Variants in CYFIP2 observed in about 807,000 individuals in gnomAD.
The protein encoded by CYFIP2 is cytoplasmic FMR1-interacting protein 2.
In CYFIP2, 29 loss-of-function variants were observed where a neutral mutation model predicts 158.7. That is an observed-to-expected ratio of 0.18 (90% CI 0.14 to 0.25). The LOEUF (loss-of-function observed/expected upper bound fraction) is 0.25, where lower values mean the gene tolerates loss of function less well. Ranked by LOEUF, CYFIP2 falls within the 10% of genes least tolerant of loss-of-function variation. The pLI is 1.00. For synonymous variants in CYFIP2, 585 were observed against 617.6 expected, an observed-to-expected ratio of 0.95 and a Z score of 0.78; for missense variants, 852 against 1,639.5, an observed-to-expected ratio of 0.52 and a Z score of 8.29.
chr5:157,343,650 C>G (rs1337555880), intron 23 of CYFIP2: 2 of 858,876 alleles, frequency 2.3e-6, no homozygotes, highest in Non-Finnish European at 1.8e-6. Flanking sequence ...CTCATGTTGC[C>G]CTCATCTTAC....
intron 3 of CYFIP2, among the ~76,000 whole-genome samples, chr5:157,288,188 A>G (rs765173138): frequency 6.6e-6 from 1 of 152,178 alleles, no homozygotes; most frequent in Non-Finnish European, 1.5e-5. Flanking sequence ...TTCTTACTGT[A>G]TCATATCATG....
chr5:157,339,042 T>C lies in CYFIP2; in HGVS notation c.2386-15T>C, dbSNP rs771072146. The C allele has an allele frequency of 1.2e-6, 2 of 1,602,836 alleles. No homozygotes were observed. Among genetic ancestry groups the C allele is most frequent in the South Asian group, 2.2e-5 (2 of 89,664 alleles). On this transcript the variant is annotated splice_polypyrimidine_tract_variant and intron_variant, in intron 21 of 30. Coordinates refer to ENST00000620254, the MANE Select transcript of CYFIP2 (RefSeq NM_001037333.3). ...AAGCAAGTCCTCAGCAGTTGTGGGC[T>C]CTCTCTCTGTACAGGAGCTGGAGTG... is the stretch of plus-strand genomic sequence containing the variant.
intron 15 of CYFIP2, among the ~76,000 whole-genome samples, chr5:157,321,347 C>G (rs1760578803): frequency 6.6e-6 from 1 of 152,166 alleles, no homozygotes; most frequent in South Asian, 2.1e-4. Flanking sequence ...CAAAATATTC[C>G]TTAGTTCCAC....
intron 11 of CYFIP2, among the ~76,000 whole-genome samples, chr5:157,313,492 G>T (rs1759902957): frequency 6.6e-6 from 1 of 152,116 alleles, no homozygotes; most frequent in Non-Finnish European, 1.5e-5. Flanking sequence ...TAGAAAACAT[G>T]GCACTAAGTA....
chr5:157,319,966 A>G (rs1760456838), intron 14 of CYFIP2, 38 bp downstream of exon 14: 2 of 1,605,454 alleles, frequency 1.2e-6, no homozygotes, highest in Non-Finnish European at 1.7e-6. Flanking sequence ...TATCAGACAT[A>G]AGCATGCCAG....
In CYFIP2 at chr5:157,394,791, C is replaced by G. The variant is rs1245218876; in HGVS notation, c.*1791C>G. ...TCCAAGTAGTAACTGGCAGATCCTC[C>G]TGTCTGGAGGTACCACCTTCTATTC... On this transcript the variant is annotated 3_prime_UTR_variant, in exon 31 of 31. Coordinates refer to ENST00000620254, the MANE Select transcript of CYFIP2 (RefSeq NM_001037333.3). 1.3e-5 allele frequency: 2 copies of G among 152,254 alleles called. No homozygotes were observed. The highest frequency in any genetic ancestry group is 4.8e-5 in the African/African-American group (2 of 41,458). 9.4% of individuals were successfully genotyped at this position (152,254 alleles called of 1,614,324 possible).
At chr5:157,358,795 G>A (rs1763595229) in intron 23 of CYFIP2, among the ~76,000 whole-genome samples, 1 of 152,178 alleles carries the variant, frequency 6.6e-6, no homozygotes, top group Admixed American at 6.5e-5. Context: ...CTAGGGAGTG[G>A]CTGCTCCATC....
rs1401899928 is a variant in CYFIP2 at position 157,389,298 on chromosome 5, C to G, written c.3317C>G (p.Pro1106Arg). 6.2e-7 allele frequency: 1 copy of G among 1,614,056 alleles called. No homozygotes were observed. The highest frequency in any genetic ancestry group is 8.5e-7 in the Non-Finnish European group (1 of 1,179,904). Residue 1106 changes from proline to arginine, a missense_variant, in exon 29 of 31, where the codon CCC (proline) becomes CGC (arginine). Transcript: ENST00000620254. ...LTRIRSYLQD[P>R]IWRGPPPTNG... ...CGCATTCGGAGCTACCTGCAGGACC[C>G]CATCTGGCGGGGCCCACCGCCCACC... is the stretch of plus-strand genomic sequence containing the variant.
At chr5:157,372,714 A>G (rs983488857) in intron 26 of CYFIP2, among the ~76,000 whole-genome samples, 2 of 152,150 alleles carry the variant, frequency 1.3e-5, no homozygotes, top group African/African-American at 4.8e-5. Flanking sequence ...CTGACCACCT[A>G]TTTGATTTAC....
intron 1 of CYFIP2, among the ~76,000 whole-genome samples, chr5:157,278,125 A>G (rs1297599302): frequency 2.0e-5 from 3 of 151,800 alleles, no homozygotes; most frequent in Non-Finnish European, 2.9e-5. Context: ...AACAACCTAA[A>G]TCTCCCTTTT....
intron 11 of CYFIP2, among the ~76,000 whole-genome samples, chr5:157,313,189 G>A (rs1196521309): frequency 6.6e-6 from 1 of 152,230 alleles, no homozygotes; most frequent in Admixed American, 6.5e-5. Context: ...AGAAATCAGA[G>A]TTACAGCCCT....
chr5:157,314,536 A>C lies in CYFIP2; in HGVS notation c.1230+73A>C, dbSNP rs1759986449. 3.2e-6 allele frequency: 5 copies of C among 1,542,520 alleles called. No individual in the cohort carries two copies. The South Asian group carries it at 3.7e-5, about 11-fold the overall frequency. On this transcript the variant is annotated intron_variant, in intron 12 of 30. Coordinates refer to ENST00000620254, the MANE Select transcript of CYFIP2 (RefSeq NM_001037333.3). Reference sequence around the variant, plus strand: ...GAATCTGCCTCCATCTCCCCCTAGCACTCTCTTTTTAACAGATTTACGGAG... The same window carrying C: ...GAATCTGCCTCCATCTCCCCCTAGCCCTCTCTTTTTAACAGATTTACGGAG...
chr5:157,366,682 TTAATA>T (rs1461471707), intron 26 of CYFIP2, among the ~76,000 whole-genome samples: 1 of 152,258 alleles, frequency 6.6e-6, no homozygotes, highest in Non-Finnish European at 1.5e-5. Context: ...TCGCAGCCTC[TTAATA>T]TATTTGTTGG....
At chr5:157,338,427 G>A (rs1762010060) in intron 21 of CYFIP2, among the ~76,000 whole-genome samples, 2 of 152,232 alleles carry the variant, frequency 1.3e-5, no homozygotes. Flanking sequence ...AGCATATAGT[G>A]GTTAAGAATG....
chr5:157,344,402 G>A (rs556596153), intron 23 of CYFIP2, among the ~76,000 whole-genome samples: 12 of 152,052 alleles, frequency 7.9e-5, no homozygotes, highest in South Asian at 2.1e-4. Flanking sequence ...ATGTCACACC[G>A]CTAATACGTA....
chr5:157,320,322 AC>A lies in CYFIP2; in HGVS notation c.1524-331del, dbSNP rs544637895. On this transcript the variant is annotated intron_variant, in intron 14 of 30. Transcript: ENST00000620254. ...ACTAAGCACACACAGATTTCATAAG[AC>A]CGGTGAGACTCCCCTATAACCAGAA... 8.1e-3 allele frequency among the ~76,000 whole-genome samples: 1,237 copies of A among 152,358 alleles called. 7 individuals are homozygous for A. The highest frequency in any genetic ancestry group is 0.013 in the Non-Finnish European group (869 of 68,022).
At chr5:157,312,683 G>A (rs375893068) in intron 11 of CYFIP2, among the ~76,000 whole-genome samples, 1 of 152,166 alleles carries the variant, frequency 6.6e-6, no homozygotes, top group South Asian at 2.1e-4. Context: ...CAACGTACCT[G>A]AAATGGGGAC....
chr5:157,268,708 A>T (rs1755828420), intron 1 of CYFIP2, among the ~76,000 whole-genome samples: 1 of 152,170 alleles, frequency 6.6e-6, no homozygotes, highest in African/African-American at 2.4e-5. Context: ...CTATTTCTTT[A>T]CTGGCAAGTA....
chr5:157,389,630 T>C (rs1767066215), intron 29 of CYFIP2: 1 of 558,476 alleles, frequency 1.8e-6, no homozygotes, highest in Non-Finnish European at 3.2e-6. Flanking sequence ...ACTGCCTGCC[T>C]CACCCCCACT....
Sources: gnomAD v4.1 joint callset for allele counts (sites outside exome capture counted in the v4.1 genomes callset) on GRCh38, gnomAD v4.1.1 for gene constraint, MANE v1.5 for transcripts, NCBI Gene and HGNC (gene_info 2026-07-23, HGNC 2026-07-21) for gene names.